Variants in SLX4IP observed in about 807,000 individuals in gnomAD.
SLX4IP encodes protein SLX4IP.
A neutral mutation model predicts 32.9 loss-of-function variants in SLX4IP; 34 were observed. The ratio of observed to expected loss-of-function variants is 1.03; its 90% CI spans 0.79 to 1.38. The LOEUF is 1.38. Among genes scored for constraint, SLX4IP ranks in the 40% most tolerant of loss-of-function variants. The probability of loss-of-function intolerance (pLI) is 0.00; values close to 1 mark genes in which losing one functional copy is unlikely to be tolerated. For missense variants in SLX4IP, 444 were observed against 479.0 expected (o/e 0.93, Z 0.68); for synonymous variants, 172 against 171.7 (o/e 1.00, Z -0.01).
At chr20:10,479,602 G>GA (rs1458944323) in intron 2 of SLX4IP, among the ~76,000 whole-genome samples, 1 of 66 alleles carries the variant, frequency 0.015, no homozygotes, top group Non-Finnish European at 0.028. Context: ...CGCCTGCCTT[G>GA]GCTCCCAAAG....
intron 6 of SLX4IP, among the ~76,000 whole-genome samples, chr20:10,620,591 T>G (rs1017067786): frequency 6.6e-6 from 1 of 152,094 alleles, no homozygotes. Context: ...TCTCGCTCTG[T>G]TGCCCAGGCT....
Position 10,540,464 on chromosome 20 carries a change from C to T in SLX4IP, c.28-15767C>T, listed in dbSNP as rs191749890. Among the ~76,000 whole-genome samples, 4 of 152,186 alleles carry T rather than the reference C, an allele frequency of 2.6e-5. No homozygotes were observed. The East Asian group carries it at 7.7e-4, about 29-fold the overall frequency. On this transcript the variant is annotated intron_variant, in intron 2 of 7. Transcript: ENST00000334534. Reference sequence around the variant, plus strand: ...TGGCTCAGGAGGCTCTTCACTTATCCGAGGAGGATACCTGGGAAATGTAAC... The same window carrying T: ...TGGCTCAGGAGGCTCTTCACTTATCTGAGGAGGATACCTGGGAAATGTAAC...
At chr20:10,616,387 AAATGAAATAAAT>A (rs2067030530) in intron 6 of SLX4IP, among the ~76,000 whole-genome samples, 1 of 97,892 alleles carries the variant, frequency 1.0e-5, no homozygotes, top group Non-Finnish European at 2.0e-5. Flanking sequence ...CCAAAAAAAA[AAATGAAATAAAT>A]AAATAAATAA....
chr20:10,503,360 G>T (rs1321762927), intron 2 of SLX4IP, among the ~76,000 whole-genome samples: 1 of 152,184 alleles, frequency 6.6e-6, no homozygotes, highest in East Asian at 1.9e-4. Flanking sequence ...GGCTGGGTTG[G>T]ATGGACCATT....
chr20:10,506,753 T>C (rs370843013), intron 2 of SLX4IP, among the ~76,000 whole-genome samples: 3 of 152,180 alleles, frequency 2.0e-5, no homozygotes, highest in African/African-American at 7.2e-5. Flanking sequence ...GTAGAGCATG[T>C]TCATAAGCAG....
intron 2 of SLX4IP, among the ~76,000 whole-genome samples, chr20:10,554,251 A>G (rs2066246385): frequency 2.0e-5 from 3 of 152,172 alleles, no homozygotes. Flanking sequence ...GCTCAACCTA[A>G]TGTTTTTGAG....
At position 10,454,098 on chromosome 20, in the gene SLX4IP, G is replaced by C. The variant is rs60024656; in HGVS notation, c.-29-4078G>C. ...TCTTCTCCCTCCATACTTTGTTTCA[G>C]CCAAATAGGTTTTTTTCTGTATTTG... On this transcript the variant is annotated intron_variant, in intron 1 of 7. Transcript: ENST00000334534. 2.9e-4 allele frequency among the ~76,000 whole-genome samples: 44 copies of C among 152,180 alleles called. No individual in the cohort carries two copies. In the East Asian group the frequency reaches 7.3e-3, roughly 25 times the overall value.
At chr20:10,582,361 C>T (rs527491115) in intron 4 of SLX4IP, among the ~76,000 whole-genome samples, 16 of 152,202 alleles carry the variant, frequency 1.1e-4, no homozygotes, top group South Asian at 4.2e-4. Flanking sequence ...ATTTTGTTTG[C>T]GTTACATATG....
At position 10,598,720 on chromosome 20, in the gene SLX4IP, GC is replaced by G. The variant is rs753976713; in HGVS notation, c.286del (p.Leu96PhefsTer33). On this transcript the variant is annotated frameshift_variant, in exon 5 of 8. Transcript: ENST00000334534. LOFTEE classifies it high-confidence loss of function. ...ITAYFLKRGI[R>X]LRCIRSTQNA... ...GCCTATTTCCTCAAGAGAGGGATAC[GC>G]CTTCGCTGCATCAGGAGCACACAGA... 3.2e-5 allele frequency: 51 copies of G among 1,613,990 alleles called. No homozygotes were observed. The African/African-American group carries it at 6.0e-4, about 19-fold the overall frequency.
chr20:10,539,847 G>C (rs2066083695), intron 2 of SLX4IP, among the ~76,000 whole-genome samples: 1 of 152,056 alleles, frequency 6.6e-6, no homozygotes, highest in Non-Finnish European at 1.5e-5. Context: ...GTAGAATTTG[G>C]ACATAGTTAT....
chr20:10,478,156 C>T (rs1478845052), intron 2 of SLX4IP, among the ~76,000 whole-genome samples: 1 of 152,188 alleles, frequency 6.6e-6, no homozygotes, highest in African/African-American at 2.4e-5. Context: ...GCCTCAGCCT[C>T]CCAAAGTGCT....
rs1568720164 is a variant in SLX4IP, at chr20:10,518,465, T to TC, written c.28-37766_28-37765insC. Among the ~76,000 whole-genome samples the TC allele has an allele frequency of 8.7e-5, 4 of 45,744 alleles. No homozygotes were observed. The South Asian group carries it at 4.2e-3, about 48-fold the overall frequency. 30.0% of individuals were successfully genotyped at this position (45,744 alleles called of 152,430 possible). A position where few individuals can be genotyped will look rare whatever the true frequency, so the allele number is the denominator to read the frequency against. On this transcript the variant is annotated intron_variant, in intron 2 of 7. Transcript: ENST00000334534. ...TTCCTTCCTTCCTTCCTTCCTTCCT[T>TC]TCCTTTCTTTTCCTTTCCTTTCCTT...
chr20:10,456,487 G>A (rs2065286715), intron 1 of SLX4IP, among the ~76,000 whole-genome samples: 1 of 152,060 alleles, frequency 6.6e-6, no homozygotes, highest in Admixed American at 6.6e-5. Flanking sequence ...GATTACAGGT[G>A]CATGCCACCA....
chr20:10,503,939 C>A (rs1417294807), intron 2 of SLX4IP, among the ~76,000 whole-genome samples: 1 of 152,190 alleles, frequency 6.6e-6, no homozygotes, highest in East Asian at 1.9e-4. Flanking sequence ...CTCATCTTAA[C>A]CTGATTACAA....
chr20:10,536,155 C>G (rs1703513471), intron 2 of SLX4IP, among the ~76,000 whole-genome samples: 1 of 152,192 alleles, frequency 6.6e-6, no homozygotes, highest in African/African-American at 2.4e-5. Context: ...ACTTAGAGAT[C>G]TTTAACACAC....
At chr20:10,556,357 C>A in intron 3 of SLX4IP, 37 bp downstream of exon 3, 1 of 1,541,940 alleles carries the variant, frequency 6.5e-7, no homozygotes, top group Non-Finnish European at 8.9e-7. Flanking sequence ...TTGCAAGTAG[C>A]TGCTGCTGCT....
At chr20:10,569,821 G>T (rs1037995653) in intron 4 of SLX4IP, among the ~76,000 whole-genome samples, 1 of 152,142 alleles carries the variant, frequency 6.6e-6, no homozygotes, top group Non-Finnish European at 1.5e-5. Flanking sequence ...AAATGTCTTT[G>T]TCTCTTCTTA....
In SLX4IP at chr20:10,624,870, C is replaced by T. The variant is rs1465283333; in HGVS notation, c.*1491C>T. On this transcript the variant is annotated 3_prime_UTR_variant, in exon 8 of 8. Coordinates refer to ENST00000334534, the MANE Select transcript of SLX4IP (RefSeq NM_001009608.3). ...TTGGGTCATGAAATTCCATCTTGGT[C>T]ACCAAGCCTGACTGTGGTGGTAGAT... The T allele has an allele frequency of 6.6e-6, 1 of 152,198 alleles. No individual in the cohort carries two copies. Among genetic ancestry groups the T allele is most frequent in the African/African-American group, 2.4e-5 (1 of 41,438 alleles). 9.4% of individuals were successfully genotyped at this position (152,198 alleles called of 1,614,324 possible).
chr20:10,533,184 A>G, intron 2 of SLX4IP, among the ~76,000 whole-genome samples: 1 of 152,218 alleles, frequency 6.6e-6, no homozygotes, highest in South Asian at 2.1e-4. Flanking sequence ...ACAGAGATCC[A>G]CTTTGAAATG....
Sources: gnomAD v4.1 joint callset for allele counts (sites outside exome capture counted in the v4.1 genomes callset) on GRCh38, gnomAD v4.1.1 for gene constraint, MANE v1.5 for transcripts, NCBI Gene and HGNC (gene_info 2026-07-23, HGNC 2026-07-21) for gene names.